Variants in HTT observed in about 807,000 individuals in gnomAD.
HTT encodes huntington disease protein.
In HTT, 104 loss-of-function variants were observed where a neutral mutation model predicts 362.3. That is an observed-to-expected ratio of 0.29 (90% CI 0.24 to 0.34). The LOEUF is 0.34. Ranked by LOEUF, HTT falls within the 10% of genes least tolerant of loss-of-function variation. The pLI is 1.00. For missense variants in HTT, 3,301 were observed against 3,928.6 expected, an observed-to-expected ratio of 0.84 and a Z score of 4.27; for synonymous variants, 1,577 against 1,548.7, an observed-to-expected ratio of 1.02 and a Z score of -0.43.
At chr4:3,138,301 G>C (rs561565275) in intron 21 of HTT, among the ~76,000 whole-genome samples, 1 of 151,852 alleles carries the variant, frequency 6.6e-6, no homozygotes, top group South Asian at 2.1e-4. Context: ...GCTGAATTTT[G>C]GTTACATGGT....
In HTT at chr4:3,115,438, G is replaced by A. The variant is rs747763850; in HGVS notation, c.882G>A (p.Val294=). ...TQYFYSWLLN[V]LLGLLVPVED... Reference sequence around the variant, plus strand: ...ATTTCTATAGTTGGCTACTAAATGTGCTCTTAGGTAAGGTGGAGGCATATG... The same window carrying A: ...ATTTCTATAGTTGGCTACTAAATGTACTCTTAGGTAAGGTGGAGGCATATG... The change falls in exon 7 of 67, where the codon GTG becomes GTA. Residue 294 remains valine, a synonymous_variant. Transcript: ENST00000355072. 1.2e-6 allele frequency: 2 copies of A among 1,613,112 alleles called. No homozygotes were observed.
rs1226811864 is a variant in HTT at position 3,163,524 on chromosome 4, T to C, written c.3864+3132T>C. On this transcript the variant is annotated intron_variant, in intron 29 of 66. Coordinates refer to ENST00000355072, the MANE Select transcript of HTT (RefSeq NM_001388492.1). ...TGGTACCATCTCCTCTTTGTACCTC[T>C]GGTAGAATTCGGCTGTGAATCCATC... 3.9e-5 allele frequency among the ~76,000 whole-genome samples: 6 copies of C among 152,232 alleles called. No homozygotes were observed. The East Asian group carries it at 1.2e-3, about 29-fold the overall frequency.
At chr4:3,180,224 A>G (rs1018161981) in intron 35 of HTT, among the ~76,000 whole-genome samples, 17 of 152,180 alleles carry the variant, frequency 1.1e-4, no homozygotes, top group African/African-American at 4.1e-4. Flanking sequence ...ATCATTTTCA[A>G]ATTGACTTTT....
Position 3,170,727 on chromosome 4 carries a change from A to C in HTT, c.3865-1593A>C, listed in dbSNP as rs1373276585. 2.0e-5 allele frequency among the ~76,000 whole-genome samples: 3 copies of C among 152,186 alleles called. No homozygotes were observed. The East Asian group carries it at 5.8e-4, about 29-fold the overall frequency. On this transcript the variant is annotated intron_variant, in intron 29 of 66. Coordinates refer to ENST00000355072, the MANE Select transcript of HTT (RefSeq NM_001388492.1). ...CTCAAAGCAGCGAGTTGGGGCAGCC[A>C]TAGGGCTGACTTAGTCTCTCGTCTC...
At chr4:3,233,753 A>T (rs1721375333) in intron 61 of HTT, among the ~76,000 whole-genome samples, 1 of 151,928 alleles carries the variant, frequency 6.6e-6, no homozygotes, top group Non-Finnish European at 1.5e-5. Context: ...TGTGATTCCG[A>T]CCTCACCTTA....
chr4:3,165,144 G>C (rs1037839050), intron 29 of HTT, among the ~76,000 whole-genome samples: 14 of 152,190 alleles, frequency 9.2e-5, no homozygotes, highest in African/African-American at 2.7e-4. Context: ...GCATTTGCTT[G>C]TCTGTAAAGG....
rs1286811341 is a variant in HTT at position 3,136,928 on chromosome 4, T to TA, written c.2798+603dup. Among the ~76,000 whole-genome samples the TA allele has an allele frequency of 3.3e-4, 50 of 152,002 alleles. 1 individual carries two copies. Among genetic ancestry groups the TA allele is most frequent in the Admixed American group, 1.3e-3 (20 of 15,260 alleles). On this transcript the variant is annotated intron_variant, in intron 21 of 66. Transcript: ENST00000355072. ...AGGCCCGGCTTTGAATTTTTTTTTT[T>TA]ATTTTTTTTTTGAGACAGAGTCCTG...
intron 34 of HTT, 104 bp downstream of exon 34, chr4:3,177,491 G>A (rs1357340041): frequency 4.0e-6 from 3 of 743,064 alleles, no homozygotes; most frequent in Non-Finnish European, 6.5e-6. Flanking sequence ...CATTTTTGCT[G>A]TTTTCTTTAA....
chr4:3,154,548 TC>T, intron 27 of HTT, 129 bp downstream of exon 27: 1 of 1,272,196 alleles, frequency 7.9e-7, no homozygotes, highest in Non-Finnish European at 1.1e-6. Context: ...AGAAAGTTTC[TC>T]CAGGTGCGGT....
intron 1 of HTT, among the ~76,000 whole-genome samples, chr4:3,080,851 C>T (rs1712859681): frequency 6.6e-6 from 1 of 152,210 alleles, no homozygotes; most frequent in African/African-American, 2.4e-5. Context: ...AGAGACTATT[C>T]TTTCCCCATG....
At chr4:3,238,717 A>G (rs1721659667) in intron 65 of HTT, 101 bp from the exon 66 acceptor site, 4 of 1,442,110 alleles carry the variant, frequency 2.8e-6, no homozygotes, top group East Asian at 4.6e-5. Flanking sequence ...GCTTTAAAGC[A>G]GCAATGCCTC....
At chr4:3,216,969 G>A (rs1004605605) in intron 51 of HTT, among the ~76,000 whole-genome samples, 1 of 150,672 alleles carries the variant, frequency 6.6e-6, no homozygotes, top group Admixed American at 6.6e-5. Flanking sequence ...AGCTTGCAGT[G>A]AGCCGAGATC....
At chr4:3,155,755 G>A (rs1226732133) in intron 27 of HTT, among the ~76,000 whole-genome samples, 1 of 144,736 alleles carries the variant, frequency 6.9e-6, no homozygotes, top group Non-Finnish European at 1.5e-5. Flanking sequence ...AAAAAAAGCC[G>A]GGCATGGTGG....
rs772204110 is a variant in HTT at position 3,220,277 on chromosome 4, T to C, written c.7338T>C (p.Phe2446=). The C allele has an allele frequency of 1.2e-5, 19 of 1,614,034 alleles. No individual in the cohort carries two copies. Among genetic ancestry groups the C allele is most frequent in the Admixed American group, 1.7e-5 (1 of 60,008 alleles). ...AGTTCCTCCAGGAAAAGGAAGTCTT[T>C]AAGGAGTTCATCTACCGCATCAACA... ...PVEFLQEKEV[F]KEFIYRINTL... is the part of the protein sequence containing the mutation. Residue 2446 remains phenylalanine (F), a synonymous_variant, in exon 53 of 67, where the codon TTT becomes TTC. Coordinates refer to ENST00000355072, the MANE Select transcript of HTT (RefSeq NM_001388492.1).
At chr4:3,160,430 C>T in intron 29 of HTT, 38 bp downstream of exon 29, 1 of 1,348,872 alleles carries the variant, frequency 7.4e-7, no homozygotes, top group Non-Finnish European at 1.0e-6. Flanking sequence ...TTGTGGCTGG[C>T]ACACTTGATG....
In HTT at chr4:3,182,270, C is replaced by T. The variant is rs1344187478; in HGVS notation, c.4750-84C>T. ...TGGATCCTAGAGTCTTCCAGCTGAA[C>T]TGGGACAAGTATAACAGACGGACAC... On this transcript the variant is annotated intron_variant, in intron 36 of 66. Coordinates refer to ENST00000355072, the MANE Select transcript of HTT (RefSeq NM_001388492.1). The T allele has an allele frequency of 1.4e-5, 12 of 839,958 alleles. No homozygotes were observed. The East Asian group carries it at 2.9e-4, about 21-fold the overall frequency. 52.0% of individuals were successfully genotyped at this position (839,958 alleles called of 1,614,324 possible).
At chr4:3,161,206 A>G (rs1717424203) in intron 29 of HTT, among the ~76,000 whole-genome samples, 1 of 152,148 alleles carries the variant, frequency 6.6e-6, no homozygotes, top group African/African-American at 2.4e-5. Context: ...TTTGCTGAGA[A>G]TGATGGTTTC....
At chr4:3,212,896 A>C (rs1291405224) in intron 49 of HTT, 187 bp downstream of exon 49, 1 of 620,074 alleles carries the variant, frequency 1.6e-6, no homozygotes, top group Non-Finnish European at 2.8e-6. Context: ...TCACCTCGCC[A>C]CTCCTCATGG....
At chr4:3,187,946 TCA>T (rs1718844629) in intron 39 of HTT, 60 bp downstream of exon 39, 1 of 966,408 alleles carries the variant, frequency 1.0e-6, no homozygotes, top group Non-Finnish European at 1.6e-6. Flanking sequence ...ACGTGATGTT[TCA>T]CAGTCAGTAA....
Sources: allele counts gnomAD v4.1 joint callset (sites outside exome capture counted in the v4.1 genomes callset), GRCh38; gene constraint gnomAD v4.1.1; transcripts MANE v1.5; gene names NCBI Gene and HGNC (gene_info 2026-07-23, HGNC 2026-07-21).